The following PTPRD variants were observed in gnomAD, a reference collection of about 807,000 sequenced individuals.
PTPRD encodes protein tyrosine phosphatase receptor type D.
A neutral mutation model predicts 214.5 loss-of-function variants in PTPRD; 34 were observed. The ratio of observed to expected loss-of-function variants is 0.16; its 90% CI spans 0.12 to 0.21. The LOEUF (loss-of-function observed/expected upper bound fraction) is 0.21. Ranked by LOEUF, PTPRD falls within the 10% of genes least tolerant of loss-of-function variation. The probability of loss-of-function intolerance (pLI) is 1.00; values close to 1 mark genes in which losing one functional copy is unlikely to be tolerated. For synonymous variants in PTPRD, 1,128 were observed against 845.7 expected (o/e 1.33, Z -5.79); for missense variants, 2,545 against 2,398.7 (o/e 1.06, Z -1.27).
chr9:10,233,897 C>T (rs975571326), intron 3 of PTPRD, among the ~76,000 whole-genome samples: 28 of 151,762 alleles, frequency 1.8e-4, no homozygotes, highest in African/African-American at 6.5e-4. Context: ...AAAAGTTTTA[C>T]CTTTAATTGG....
At chr9:9,315,948 G>A (rs1250868655) in intron 9 of PTPRD, among the ~76,000 whole-genome samples, 1 of 140,792 alleles carries the variant, frequency 7.1e-6, no homozygotes, top group Non-Finnish European at 1.5e-5. Flanking sequence ...TTAATTAATT[G>A]ACATATATCT....
chr9:9,781,086 T>C (rs1004850834), intron 5 of PTPRD, among the ~76,000 whole-genome samples: 1 of 152,128 alleles, frequency 6.6e-6, no homozygotes, highest in Non-Finnish European at 1.5e-5. Flanking sequence ...GCAGTGAAAC[T>C]ATTCTGCTTG....
chr9:10,257,652 T>A (rs2093381868), intron 3 of PTPRD, among the ~76,000 whole-genome samples: 1 of 152,142 alleles, frequency 6.6e-6, no homozygotes, highest in African/African-American at 2.4e-5. Context: ...AGCTGTAATA[T>A]CTGAGAGGAG....
intron 2 of PTPRD, among the ~76,000 whole-genome samples, chr9:10,344,645 G>A (rs1159498223): frequency 6.6e-6 from 1 of 152,040 alleles, no homozygotes; most frequent in Non-Finnish European, 1.5e-5. Flanking sequence ...TCACGATATT[G>A]ATTCTTCCTA....
At chr9:10,222,350 A>T (rs903081979) in intron 3 of PTPRD, among the ~76,000 whole-genome samples, 49 of 152,178 alleles carry the variant, frequency 3.2e-4, no homozygotes, top group African/African-American at 1.0e-3. Flanking sequence ...AAGAGAAAAT[A>T]AATAGAAATT....
intron 6 of PTPRD, among the ~76,000 whole-genome samples, chr9:9,756,784 C>T (rs2098588425): frequency 6.6e-6 from 1 of 152,068 alleles, no homozygotes; most frequent in Admixed American, 6.6e-5. Flanking sequence ...TGTCAGATTC[C>T]AGAGACCACA....
intron 8 of PTPRD, among the ~76,000 whole-genome samples, chr9:9,432,914 G>T (rs1195518868): frequency 2.6e-5 from 4 of 152,132 alleles, no homozygotes; most frequent in Non-Finnish European, 5.9e-5. Context: ...TCCCAGAGTT[G>T]CAGACAATGC....
chr9:10,406,811 T>C (rs1019563226), intron 2 of PTPRD, among the ~76,000 whole-genome samples: 4 of 57,082 alleles, frequency 7.0e-5, no homozygotes, highest in Non-Finnish European at 2.2e-4. Context: ...ATTTTGAAAA[T>C]TGTTAGACTA....
intron 5 of PTPRD, among the ~76,000 whole-genome samples, chr9:9,936,825 C>A (rs1378264399): frequency 5.0e-5 from 7 of 140,972 alleles, no homozygotes; most frequent in African/African-American, 1.9e-4. Context: ...GGAACCAACC[C>A]AAATGTCCAA....
chr9:9,275,641 T>G (rs943548277), intron 9 of PTPRD, among the ~76,000 whole-genome samples: 1 of 151,240 alleles, frequency 6.6e-6, no homozygotes, highest in Non-Finnish European at 1.5e-5. Context: ...AGACAAGGGC[T>G]GCTGCCCCCA....
chr9:10,434,617 A>G (rs2098705070), intron 2 of PTPRD, among the ~76,000 whole-genome samples: 1 of 151,900 alleles, frequency 6.6e-6, no homozygotes, highest in African/African-American at 2.4e-5. Context: ...GTAAAGGCTA[A>G]CAGAGTCACA....
chr9:10,118,170 T>C (rs868569291), intron 3 of PTPRD, among the ~76,000 whole-genome samples: 14 of 151,412 alleles, frequency 9.2e-5, no homozygotes, highest in African/African-American at 2.7e-4. Context: ...AATTGCTCAA[T>C]GGCTGAAGGA....
chr9:10,330,200 C>T (rs1242598335), intron 3 of PTPRD, among the ~76,000 whole-genome samples: 1 of 151,810 alleles, frequency 6.6e-6, no homozygotes, highest in Admixed American at 6.6e-5. Flanking sequence ...CCTTACTCTG[C>T]TCTGTGTGGT....
At chr9:8,558,275 C>T (rs1176760385) in intron 14 of PTPRD, among the ~76,000 whole-genome samples, 1 of 152,172 alleles carries the variant, frequency 6.6e-6, no homozygotes, top group Non-Finnish European at 1.5e-5. Flanking sequence ...TCCTCTATAT[C>T]TTCTCTCCTT....
chr9:8,549,155 C>T (rs539362780), intron 14 of PTPRD, among the ~76,000 whole-genome samples: 33 of 152,186 alleles, frequency 2.2e-4, no homozygotes, highest in African/African-American at 7.7e-4. Context: ...GCGGATATAA[C>T]ATAGAATTAT....
At chr9:10,238,276 G>A (rs2099635683) in intron 3 of PTPRD, among the ~76,000 whole-genome samples, 1 of 151,830 alleles carries the variant, frequency 6.6e-6, no homozygotes, top group Admixed American at 6.6e-5. Context: ...GTTGTAACCT[G>A]AAACCAATCT....
At chr9:9,354,522 A>G (rs1263364293) in intron 9 of PTPRD, among the ~76,000 whole-genome samples, 3 of 150,910 alleles carry the variant, frequency 2.0e-5, no homozygotes, top group Non-Finnish European at 4.4e-5. Flanking sequence ...AAAAACCTAC[A>G]TTTTTTTTTG....
chr9:8,998,549 A>T (rs1162815925), intron 11 of PTPRD, among the ~76,000 whole-genome samples: 2 of 152,064 alleles, frequency 1.3e-5, no homozygotes, highest in African/African-American at 4.8e-5. Flanking sequence ...TAGTTACCCA[A>T]GAGCTCTGAT....
intron 14 of PTPRD, among the ~76,000 whole-genome samples, chr9:8,614,287 T>C (rs546665772): frequency 6.6e-6 from 1 of 152,274 alleles, no homozygotes; most frequent in South Asian, 2.1e-4. Context: ...GGCAAAATAT[T>C]TGAGTTGCCC....
Sources: allele counts gnomAD v4.1 joint callset (sites outside exome capture counted in the v4.1 genomes callset), GRCh38; gene constraint gnomAD v4.1.1; transcripts MANE v1.5; gene names NCBI Gene and HGNC (gene_info 2026-07-23, HGNC 2026-07-21).